NOL3: variants seen among roughly 807,000 people sequenced by gnomAD.
NOL3 encodes the protein muscle-enriched cytoplasmic protein.
A neutral mutation model predicts 19.2 loss-of-function variants in NOL3; 18 were observed. That is an observed-to-expected ratio of 0.94 (90% CI 0.65 to 1.39). The LOEUF is 1.39. Among genes scored for constraint, NOL3 ranks in the 40% most tolerant of loss-of-function variants. NOL3 has a pLI of 0.00. For synonymous variants in NOL3, 127 were observed against 137.3 expected, an observed-to-expected ratio of 0.93 and a Z score of 0.52; for missense variants, 290 against 289.5, an observed-to-expected ratio of 1.00 and a Z score of -0.01.
exon 3 of NOL3, chr16:67,174,879 C>T (rs2032066858): frequency 1.2e-6 from 2 of 1,612,468 alleles, no homozygotes; most frequent in East Asian, 2.2e-5. Context: ...GAACCAGAGC[C>T]GGAACTGGAG....
rs1177822702 is a variant in NOL3 at position 67,175,043 on chromosome 16, C to G, written c.620-4C>G. 3.1e-6 allele frequency: 5 copies of G among 1,614,122 alleles called. No individual in the cohort carries two copies. The highest frequency in any genetic ancestry group is 4.2e-6 in the Non-Finnish European group (5 of 1,180,024). Reference sequence around the variant, plus strand: ...TCTTTGACCACTGTTCCCGTCATCTCTAGATTCCTGAAGGCCAGAGCTCTG... The same window carrying G: ...TCTTTGACCACTGTTCCCGTCATCTGTAGATTCCTGAAGGCCAGAGCTCTG... On this transcript the variant is annotated splice_polypyrimidine_tract_variant and splice_region_variant and intron_variant, in intron 3 of 3. Transcript: ENST00000268605.
chr16:67,175,283 C>T (rs369479649), exon 4 of NOL3: 1 of 1,428,522 alleles, frequency 7.0e-7, no homozygotes, highest in African/African-American at 1.4e-5. Flanking sequence ...CCCAAGCCCA[C>T]CACGAGCATC....
chr16:67,171,972 G>T (rs1201279113), intron 1 of NOL3: 1 of 152,318 alleles, frequency 6.6e-6, no homozygotes, highest in Non-Finnish European at 1.5e-5. Context: ...GCTTCAATGG[G>T]AGGAAGCCAG....
Position 67,170,700 on chromosome 16 carries a change from G to A in NOL3, c.-9+126G>A, listed in dbSNP as rs1042361587. 3.9e-5 allele frequency: 6 copies of A among 151,988 alleles called. No individual in the cohort carries two copies. Among genetic ancestry groups the A allele is most frequent in the African/African-American group, 9.7e-5 (4 of 41,354 alleles). 9.4% of individuals were successfully genotyped at this position (151,988 alleles called of 1,614,324 possible). A position where few individuals can be genotyped will look rare whatever the true frequency, so the allele number is the denominator to read the frequency against. On this transcript the variant is annotated intron_variant, in intron 1 of 3. Coordinates refer to ENST00000268605, the Ensembl canonical transcript of NOL3. This position sits in a 1 kb window ranked among gnomAD's most constrained non-coding sequence, Gnocchi z 5.7. ...GCTGCGGCGCTCGGGGGTCGGGGGG[G>A]CGGGGTGGGTAGGACTGTGGGCCCC...
rs368688530 is a variant in NOL3 at position 67,174,922 on chromosome 16, C to T, written c.597C>T (p.Phe199=). The T allele has an allele frequency of 6.5e-5, 105 of 1,612,782 alleles. 1 individual carries two copies. In the African/African-American group the frequency reaches 1.3e-3, roughly 20 times the overall value. Residue 199 remains phenylalanine, a synonymous_variant, in exon 3 of 4, where the codon TTC becomes TTT. Transcript: ENST00000268605. ...CGGACCCAGAGCCCGAGCCCGACTT[C>T]GAGGAAAGGGACGAGTCCGAAGGTG... is the stretch of plus-strand genomic sequence containing the variant.
At chr16:67,174,902 C>G in exon 3 of NOL3, 1 of 1,613,654 alleles carries the variant, frequency 6.2e-7, no homozygotes, top group African/African-American at 1.3e-5. Context: ...AGAACCGGAC[C>G]CAGAGCCCGA....
At chr16:67,171,591 G>A (rs2031766333) in intron 1 of NOL3, 1 of 152,214 alleles carries the variant, frequency 6.6e-6, no homozygotes, top group Non-Finnish European at 1.5e-5. Flanking sequence ...GTGGGGGGGA[G>A]GTAGATAGGT....
chr16:67,175,263 C>T (rs2032110102), exon 4 of NOL3: 1 of 1,451,052 alleles, frequency 6.9e-7, no homozygotes, highest in African/African-American at 1.4e-5. Flanking sequence ...GTCCCAGGGA[C>T]CTGGGCAGGC....
chr16:67,174,562 G>A, intron 2 of NOL3, 59 bp from the exon 3 acceptor site: 1 of 1,502,702 alleles, frequency 6.7e-7, no homozygotes, highest in South Asian at 1.4e-5. Context: ...CTAGAAGTAG[G>A]CGAGTGTGAA....
exon 4 of NOL3, chr16:67,175,408 T>G: frequency 9.1e-7 from 1 of 1,104,416 alleles, no homozygotes; most frequent in Non-Finnish European, 1.1e-6. Flanking sequence ...ACACAACCCA[T>G]TTCCCCTGGT....
At chr16:67,172,157 T>C (rs2031800916) in intron 1 of NOL3, among the ~76,000 whole-genome samples, 1 of 137,598 alleles carries the variant, frequency 7.3e-6, no homozygotes, top group Non-Finnish European at 1.5e-5. Flanking sequence ...GAGGATGCCG[T>C]GTGAACAAAG....
rs991988744 is a variant in NOL3, at chr16:67,170,790, A to AG, written c.-9+216_-9+217insG. On this transcript the variant is annotated intron_variant, in intron 1 of 3. Coordinates refer to ENST00000268605, the Ensembl canonical transcript of NOL3. This position sits in a 1 kb window ranked among gnomAD's most constrained non-coding sequence, Gnocchi z 5.7. Reference sequence around the variant, plus strand: ...GGGAGGTAAGGGGCGGGGGGGGAAAATCCGTGCAGTCGCACATGCGCAAAG... The same window carrying AG: ...GGGAGGTAAGGGGCGGGGGGGGAAAAGTCCGTGCAGTCGCACATGCGCAAAG... Among the ~76,000 whole-genome samples the AG allele has an allele frequency of 6.6e-6, 1 of 151,826 alleles. No individual in the cohort carries two copies. The highest frequency in any genetic ancestry group is 2.4e-5 in the African/African-American group (1 of 41,160).
At chr16:67,174,897 C>T in exon 3 of NOL3, 1 of 1,613,690 alleles carries the variant, frequency 6.2e-7, no homozygotes, top group Non-Finnish European at 8.5e-7. Flanking sequence ...GAGCCAGAAC[C>T]GGACCCAGAG....
At position 67,170,778 on chromosome 16, in the gene NOL3, C is replaced by CGG. The variant is rs112551189; in HGVS notation, c.-9+211_-9+212dup. Among the ~76,000 whole-genome samples, 966 of 149,026 alleles carry CGG rather than the reference C, an allele frequency of 6.5e-3. 15 individuals are homozygous for CGG. Among genetic ancestry groups the CGG allele is most frequent in the Non-Finnish European group, 2.8e-3 (190 of 67,584 alleles). On this transcript the variant is annotated intron_variant, in intron 1 of 3. Coordinates refer to ENST00000268605, the Ensembl canonical transcript of NOL3. The surrounding 1 kb of genome is among the most constrained non-coding windows in gnomAD (Gnocchi z 5.7). ...GGACTGGGTGGAGGGAGGTAAGGGG[C>CGG]GGGGGGGGAAAATCCGTGCAGTCGC...
At position 67,174,845 on chromosome 16, in the gene NOL3, G is replaced by T. The variant is rs1332820112; in HGVS notation, c.520G>T (p.Glu174Ter). 1 of 1,607,000 alleles carries T rather than the reference G, an allele frequency of 6.2e-7. No homozygotes were observed. The highest frequency in any genetic ancestry group is 1.7e-5 in the Admixed American group (1 of 58,404). The change falls in exon 3 of 4, where the codon GAG becomes TAG. Residue 174 changes from glutamate (E) to a stop codon, truncating the protein, a stop_gained. Transcript: ENST00000268605. LOFTEE classifies it high-confidence loss of function. ...TGAACCGGAGCCGGAGCCAGAGCCA[G>T]AGCTGGAACCCGAGGCTGAAGCAGA...
intron 1 of NOL3, among the ~76,000 whole-genome samples, chr16:67,172,395 G>A (rs533999363): frequency 2.6e-5 from 4 of 152,150 alleles, no homozygotes; most frequent in East Asian, 1.9e-4. Flanking sequence ...GGTGGATCAC[G>A]AGGTCAGGAG....
intron 1 of NOL3, chr16:67,173,743 TG>T (rs1409313359): frequency 1.2e-6 from 1 of 850,918 alleles, no homozygotes; most frequent in Non-Finnish European, 1.8e-6. Flanking sequence ...TTTTTCTGCC[TG>T]GTTAGGTGGG....
At chr16:67,174,930 G>T in exon 3 of NOL3, 1 of 1,612,518 alleles carries the variant, frequency 6.2e-7, no homozygotes, top group Non-Finnish European at 8.5e-7. Flanking sequence ...TTCGAGGAAA[G>T]GGACGAGTCC....
chr16:67,174,866 GCAGAACCAGAGCCGGAACTGGAGC>G (rs1481706789), exon 3 of NOL3: 2 of 1,610,936 alleles, frequency 1.2e-6, no homozygotes, highest in Non-Finnish European at 1.7e-6. Flanking sequence ...CGAGGCTGAA[GCAGAACCAGAGCCGGAACTGGAGC>G]CAGAACCGGA....
Sources: allele counts gnomAD v4.1 joint callset (sites outside exome capture counted in the v4.1 genomes callset), GRCh38; gene constraint gnomAD v4.1.1; non-coding constraint Gnocchi (gnomAD v3.1); transcripts MANE v1.5; gene names NCBI Gene and HGNC (gene_info 2026-07-23, HGNC 2026-07-21).